The following CNTFR variants were observed in gnomAD, a reference collection of about 807,000 sequenced individuals.
The protein encoded by CNTFR is ciliary neurotrophic factor receptor.
CNTFR carries 12 observed loss-of-function variants against 40.4 expected under a neutral mutation model. The ratio of observed to expected loss-of-function variants is 0.30; its 90% CI spans 0.19 to 0.48. The LOEUF is 0.48. Among genes scored for constraint, CNTFR ranks in the 20% least tolerant of loss-of-function variants. The pLI, the probability that CNTFR is intolerant of heterozygous loss-of-function variation, is 0.99. For missense variants in CNTFR, 414 were observed against 506.8 expected (o/e 0.82, Z 1.76); for synonymous variants, 202 against 209.6 (o/e 0.96, Z 0.31).
intron 6 of CNTFR, 120 bp from the exon 7 acceptor site, chr9:34,556,538 G>A: frequency 1.0e-6 from 1 of 964,826 alleles, no homozygotes; most frequent in East Asian, 2.5e-5. Context: ...ATCATAGTCA[G>A]CGTGCCTCTT....
At chr9:34,581,059 G>A (rs1425565621) in intron 2 of CNTFR, 36 bp downstream of exon 2, 2 of 152,630 alleles carry the variant, frequency 1.3e-5, no homozygotes, top group Non-Finnish European at 2.9e-5. Flanking sequence ...CTGATTCCCT[G>A]AGATTGATCT....
chr9:34,551,689 G>A lies in CNTFR; in HGVS notation c.*382C>T, dbSNP rs969015027. 3 of 405,562 alleles carry A rather than the reference G, an allele frequency of 7.4e-6. No homozygotes were observed. Among genetic ancestry groups the A allele is most frequent in the Non-Finnish European group, 1.4e-5 (3 of 218,656 alleles). The allele number at this position is 405,562 out of a possible 1,614,324, so 25.1% of individuals were successfully genotyped here. On this transcript the variant is annotated 3_prime_UTR_variant, in exon 10 of 10. Coordinates refer to ENST00000378980, the MANE Select transcript of CNTFR (RefSeq NM_147164.3). ...AGCATCAGGAGCTTATAATCTGATG[G>A]TGGCAACAGAGACCCTGGGATAGAC...
rs1022004319 is a variant in CNTFR at position 34,552,492 on chromosome 9, T to A, written c.950-163A>T. 4.6e-5 allele frequency among the ~76,000 whole-genome samples: 7 copies of A among 152,078 alleles called. No homozygotes were observed. The highest frequency in any genetic ancestry group is 1.0e-4 in the Non-Finnish European group (7 of 68,006). On this transcript the variant is annotated intron_variant, in intron 8 of 9. Transcript: ENST00000378980. The surrounding 1 kb of genome is among the most constrained non-coding windows in gnomAD (Gnocchi z 5.1). ...GCTCACAGATAACCCCTCCACCCAA[T>A]GACCCCTACCAAGGATGTCCAGATA...
chr9:34,560,781 T>A (rs1436422244), intron 4 of CNTFR, among the ~76,000 whole-genome samples: 1 of 152,214 alleles, frequency 6.6e-6, no homozygotes, highest in Non-Finnish European at 1.5e-5. Context: ...TGTGGCAGGG[T>A]GTCCCTGGGT....
At position 34,552,843 on chromosome 9, in the gene CNTFR, G is replaced by A. The variant is rs750639498; in HGVS notation, c.780C>T (p.Ser260=). The part of the protein sequence containing the change: ...ILDQWQHVEL[S]DGTAHTITDA... ...CTGTGATGGTGTGTGCTGTGCCGTC[G>A]GACAGCTCCACCTGCAGCCAGACCA... Residue 260 remains serine (S), a synonymous_variant, in exon 8 of 10, where the codon TCC becomes TCT. Coordinates refer to ENST00000378980, the MANE Select transcript of CNTFR (RefSeq NM_147164.3). This position sits in a 1 kb window ranked among gnomAD's most constrained non-coding sequence, Gnocchi z 5.1. 6 of 1,611,550 alleles carry A rather than the reference G, an allele frequency of 3.7e-6. No individual in the cohort carries two copies. The highest frequency in any genetic ancestry group is 1.1e-5 in the South Asian group (1 of 90,998).
chr9:34,576,682 A>G (rs1003485664), intron 2 of CNTFR, among the ~76,000 whole-genome samples: 1 of 152,228 alleles, frequency 6.6e-6, no homozygotes, highest in Non-Finnish European at 1.5e-5. Context: ...TCCATTCCAG[A>G]CAGGAGAGGT....
At chr9:34,587,059 G>A (rs1827577234) in intron 1 of CNTFR, among the ~76,000 whole-genome samples, 1 of 152,228 alleles carries the variant, frequency 6.6e-6, no homozygotes, top group South Asian at 2.1e-4. Flanking sequence ...GTCCATCTAA[G>A]TGTGAACTCC....
At chr9:34,554,926 G>A (rs1587118484) in intron 7 of CNTFR, among the ~76,000 whole-genome samples, 1 of 152,224 alleles carries the variant, frequency 6.6e-6, no homozygotes, top group South Asian at 2.1e-4. Context: ...GCATGTTCTC[G>A]CCACGGAGCC....
At chr9:34,572,800 A>G (rs2132207262) in intron 2 of CNTFR, among the ~76,000 whole-genome samples, 1 of 152,374 alleles carries the variant, frequency 6.6e-6, no homozygotes, top group South Asian at 2.1e-4. Flanking sequence ...AGTGAGTGAC[A>G]GTCACATACA....
chr9:34,561,897 C>T (rs935305289), intron 4 of CNTFR, among the ~76,000 whole-genome samples: 4 of 152,232 alleles, frequency 2.6e-5, no homozygotes, highest in African/African-American at 9.6e-5. Flanking sequence ...ACTAATGCTA[C>T]AGCCAACTCA....
At chr9:34,586,268 G>A (rs575780931) in intron 1 of CNTFR, among the ~76,000 whole-genome samples, 19 of 152,162 alleles carry the variant, frequency 1.2e-4, no homozygotes, top group Non-Finnish European at 2.2e-4. Flanking sequence ...CCTGGAGCCA[G>A]GATAAGGGCT....
Position 34,557,456 on chromosome 9 carries a change from C to T in CNTFR, c.604+70G>A, listed in dbSNP as rs1825893478. The T allele has an allele frequency of 1.3e-6, 2 of 1,556,334 alleles. No individual in the cohort carries two copies. The highest frequency in any genetic ancestry group is 1.8e-6 in the Non-Finnish European group (2 of 1,139,936). On this transcript the variant is annotated intron_variant, in intron 6 of 9. Coordinates refer to ENST00000378980, the MANE Select transcript of CNTFR (RefSeq NM_147164.3). The surrounding 1 kb of genome is among the most constrained non-coding windows in gnomAD (Gnocchi z 4.2). Reference sequence around the variant, plus strand: ...ACATGTGCATGCATGTGGACATCCCCACCAATGGCACACATCCACTTACAT... The same window carrying T: ...ACATGTGCATGCATGTGGACATCCCTACCAATGGCACACATCCACTTACAT...
chr9:34,567,929 G>T (rs1228649752), intron 3 of CNTFR: 3 of 152,224 alleles, frequency 2.0e-5, no homozygotes, highest in East Asian at 3.8e-4. Flanking sequence ...ATGCCCCTGG[G>T]GCTGGCCAGG....
chr9:34,585,900 T>C (rs575891892), intron 1 of CNTFR, among the ~76,000 whole-genome samples: 1 of 152,142 alleles, frequency 6.6e-6, no homozygotes, highest in African/African-American at 2.4e-5. Flanking sequence ...ATCCACTCCA[T>C]ATGTTTCCGA....
chr9:34,577,233 G>C (rs946488702), intron 2 of CNTFR, among the ~76,000 whole-genome samples: 2 of 152,254 alleles, frequency 1.3e-5, no homozygotes, highest in African/African-American at 4.8e-5. Flanking sequence ...CAATGCTGCA[G>C]ACATCCTTGC....
intron 7 of CNTFR, among the ~76,000 whole-genome samples, chr9:34,553,949 C>T (rs774846634): frequency 4.6e-5 from 7 of 152,032 alleles, no homozygotes; most frequent in Admixed American, 1.3e-4. Flanking sequence ...GGCTATCTGA[C>T]CTGACAGGCT....
chr9:34,587,017 G>A (rs1827575432), intron 1 of CNTFR, among the ~76,000 whole-genome samples: 1 of 151,718 alleles, frequency 6.6e-6, no homozygotes, highest in African/African-American at 2.4e-5. Flanking sequence ...CAGGATGACA[G>A]TGTGAGTTTA....
chr9:34,577,162 G>A (rs1827015757), intron 2 of CNTFR, among the ~76,000 whole-genome samples: 1 of 152,218 alleles, frequency 6.6e-6, no homozygotes. Context: ...ACGCGGAGTC[G>A]CTGTCCAGTC....
intron 4 of CNTFR, among the ~76,000 whole-genome samples, chr9:34,560,886 G>C (rs531877462): frequency 6.6e-6 from 1 of 152,192 alleles, no homozygotes; most frequent in Non-Finnish European, 1.5e-5. Flanking sequence ...GTTTTTCCAT[G>C]TCCAGCCCAC....
Sources: gnomAD v4.1 joint callset for allele counts (sites outside exome capture counted in the v4.1 genomes callset) on GRCh38, gnomAD v4.1.1 for gene constraint, Gnocchi (gnomAD v3.1) non-coding constraint, MANE v1.5 for transcripts, NCBI Gene and HGNC (gene_info 2026-07-23, HGNC 2026-07-21) for gene names.